Variants in CDH12 observed in about 807,000 individuals in gnomAD.
CDH12 encodes the protein cadherin 12.
A neutral mutation model predicts 74.1 loss-of-function variants in CDH12; 41 were observed. That is an observed-to-expected ratio of 0.55 (90% confidence interval 0.43 to 0.72). The LOEUF (loss-of-function observed/expected upper bound fraction) is 0.72. Ranked by LOEUF, CDH12 falls within the 30% of genes least tolerant of loss-of-function variation. CDH12 has a pLI of 0.00. For synonymous variants in CDH12, 399 were observed against 355.0 expected (o/e 1.12, Z -1.39); for missense variants, 945 against 977.2 (o/e 0.97, Z 0.44).
intron 2 of CDH12, among the ~76,000 whole-genome samples, chr5:22,431,884 TA>T (rs1337517588): frequency 1.3e-5 from 2 of 152,174 alleles, no homozygotes; most frequent in African/African-American, 4.8e-5. Flanking sequence ...GTAGAAAAGT[TA>T]AAAAATAAAT....
intron 6 of CDH12, among the ~76,000 whole-genome samples, chr5:21,861,821 C>T (rs181024029): frequency 9.8e-4 from 149 of 151,966 alleles, no homozygotes; most frequent in African/African-American, 3.5e-3. Flanking sequence ...CTAACATTCT[C>T]ATCAGCCCAT....
At chr5:22,616,773 A>T (rs1737710691) in intron 1 of CDH12, among the ~76,000 whole-genome samples, 1 of 152,052 alleles carries the variant, frequency 6.6e-6, no homozygotes, top group South Asian at 2.1e-4. Context: ...GTTGAAACCT[A>T]ACCCCCAATG....
chr5:22,066,521 T>C (rs1255379800), intron 5 of CDH12, among the ~76,000 whole-genome samples: 1 of 152,128 alleles, frequency 6.6e-6, no homozygotes. Flanking sequence ...TCAGCTTGGG[T>C]CCATCTCAGT....
chr5:22,407,379 G>C (rs1019202483), intron 2 of CDH12, among the ~76,000 whole-genome samples: 1 of 151,896 alleles, frequency 6.6e-6, no homozygotes, highest in African/African-American at 2.4e-5. Context: ...CATCTTCAAT[G>C]TTCTCAATAG....
chr5:22,624,974 G>A (rs953915098), intron 1 of CDH12, among the ~76,000 whole-genome samples: 1 of 152,136 alleles, frequency 6.6e-6, no homozygotes, highest in Non-Finnish European at 1.5e-5. Flanking sequence ...GGAATACTAT[G>A]CAGCCATAAA....
At chr5:22,769,815 T>A (rs1227085462) in intron 1 of CDH12, among the ~76,000 whole-genome samples, 3 of 152,038 alleles carry the variant, frequency 2.0e-5, no homozygotes, top group Non-Finnish European at 2.9e-5. Flanking sequence ...AAATCTAAGT[T>A]AGGATTTTTG....
Position 22,538,583 on chromosome 5 carries a change from G to A in CDH12, c.-522-33219C>T, listed in dbSNP as rs569377734. 5.3e-5 allele frequency among the ~76,000 whole-genome samples: 8 copies of A among 152,310 alleles called. No individual in the cohort carries two copies. The South Asian group carries it at 1.0e-3, about 20-fold the overall frequency. On this transcript the variant is annotated intron_variant, in intron 1 of 14. Coordinates refer to ENST00000382254, the MANE Select transcript of CDH12 (RefSeq NM_004061.5). ...GTTTCGAGACATTGCCAAATGTTCC[G>A]TGGGGCTGGCAAGAGGCAAAAATCA...
intron 3 of CDH12, among the ~76,000 whole-genome samples, chr5:22,237,826 G>T (rs1282226116): frequency 6.6e-6 from 1 of 152,118 alleles, no homozygotes; most frequent in African/African-American, 2.4e-5. Context: ...GCACCACGAG[G>T]CCTTGTTAAT....
At chr5:21,928,539 A>G (rs976660042) in intron 6 of CDH12, among the ~76,000 whole-genome samples, 1 of 152,216 alleles carries the variant, frequency 6.6e-6, no homozygotes, top group Admixed American at 6.5e-5. Context: ...AGGAGTTGGA[A>G]AAGGATGAGC....
At chr5:21,856,395 AT>A (rs1374248498) in intron 6 of CDH12, among the ~76,000 whole-genome samples, 1 of 151,788 alleles carries the variant, frequency 6.6e-6, no homozygotes, top group Non-Finnish European at 1.5e-5. Flanking sequence ...AATTCTGGAT[AT>A]AAATATTACA....
intron 3 of CDH12, among the ~76,000 whole-genome samples, chr5:22,279,002 C>T (rs1390931052): frequency 2.6e-5 from 4 of 152,124 alleles, no homozygotes; most frequent in African/African-American, 9.6e-5. Flanking sequence ...TTCCCAATGT[C>T]TGTTATTTAA....
chr5:21,887,406 A>T (rs1374746245), intron 6 of CDH12, among the ~76,000 whole-genome samples: 1 of 152,178 alleles, frequency 6.6e-6, no homozygotes, highest in Non-Finnish European at 1.5e-5. Flanking sequence ...ACTGAAGGAG[A>T]AATTAATTCT....
At chr5:21,952,517 C>T (rs576832198) in intron 6 of CDH12, among the ~76,000 whole-genome samples, 6 of 152,270 alleles carry the variant, frequency 3.9e-5, no homozygotes, top group South Asian at 2.1e-4. Context: ...ACATAACTTT[C>T]GCATCTTGTC....
intron 3 of CDH12, among the ~76,000 whole-genome samples, chr5:22,402,244 G>T (rs1742758448): frequency 6.6e-6 from 1 of 152,152 alleles, no homozygotes. Flanking sequence ...TGAATATTAA[G>T]ACTATTGTGA....
rs57100985 is a variant in CDH12 at position 22,117,503 on chromosome 5, TATATATATA to T, written c.-186-38650_-186-38642del. On this transcript the variant is annotated intron_variant, in intron 4 of 14. Transcript: ENST00000382254. Reference sequence around the variant, plus strand: ...TTATATATATATTATATATATATAATATATATATAATATATATATAATATATATATATAT... The same window carrying T: ...TTATATATATATTATATATATATAATATATATATATAATATATATATATAT... 5.0e-3 allele frequency among the ~76,000 whole-genome samples: 256 copies of T among 51,172 alleles called. 1 individual carries two copies. Among genetic ancestry groups the T allele is most frequent in the African/African-American group, 9.3e-3 (104 of 11,138 alleles). 33.6% of individuals were successfully genotyped at this position (51,172 alleles called of 152,430 possible).
In CDH12 at chr5:22,366,808, T is replaced by C. The variant is rs1008824886; in HGVS notation, c.-333+38449A>G. On this transcript the variant is annotated intron_variant, in intron 3 of 14. Transcript: ENST00000382254. The stretch of plus-strand genomic sequence containing the variant: ...AATAGCAAACTACTGTTGGAGATTA[T>C]TTGAGTATAACTGAATGGAGTACTA... Among the ~76,000 whole-genome samples the C allele has an allele frequency of 2.0e-5, 3 of 152,328 alleles. No homozygotes were observed. In the East Asian group the frequency reaches 5.8e-4, roughly 29 times the overall value.
At chr5:22,680,777 C>A (rs1218933755) in intron 1 of CDH12, among the ~76,000 whole-genome samples, 1 of 151,492 alleles carries the variant, frequency 6.6e-6, no homozygotes, top group Non-Finnish European at 1.5e-5. Flanking sequence ...TTCACAATCT[C>A]TCTCTTCTCC....
At chr5:21,941,931 C>T (rs1237576178) in intron 6 of CDH12, among the ~76,000 whole-genome samples, 2 of 151,904 alleles carry the variant, frequency 1.3e-5, no homozygotes, top group East Asian at 1.9e-4. Context: ...AAAATGTCGA[C>T]GTCCTAATTT....
chr5:22,791,319 C>A (rs1254807370), intron 1 of CDH12, among the ~76,000 whole-genome samples: 3 of 152,086 alleles, frequency 2.0e-5, no homozygotes, highest in Non-Finnish European at 4.4e-5. Flanking sequence ...AGATTCTTCA[C>A]CCACGTCTAA....
Sources: gnomAD v4.1 joint callset for allele counts (sites outside exome capture counted in the v4.1 genomes callset) on GRCh38, gnomAD v4.1.1 for gene constraint, MANE v1.5 for transcripts, NCBI Gene and HGNC (gene_info 2026-07-23, HGNC 2026-07-21) for gene names.